BCL11B: variants seen among roughly 807,000 people sequenced by gnomAD.
BCL11B encodes the protein BCL11 transcription factor B.
BCL11B carries 8 observed loss-of-function variants against 49.9 expected under a neutral mutation model. That is an observed-to-expected ratio of 0.16 (90% confidence interval 0.09 to 0.29). BCL11B has a LOEUF of 0.29. Among genes scored for constraint, BCL11B ranks in the 10% least tolerant of loss-of-function variants. BCL11B has a pLI of 1.00. For synonymous variants in BCL11B, 739 were observed against 637.4 expected (o/e 1.16, Z -2.40); for missense variants, 1,006 against 1,351.0 (o/e 0.74, Z 4.00).
rs951204431 is a variant in BCL11B, at chr14:99,232,009, G to A, written c.428-452C>T. 5.3e-4 allele frequency among the ~76,000 whole-genome samples: 80 copies of A among 152,248 alleles called. No individual in the cohort carries two copies. Among genetic ancestry groups the A allele is most frequent in the African/African-American group, 1.9e-3 (77 of 41,556 alleles). ...CCTCCCCTGTTTGCTGTATCAGGAT[G>A]GGCTGTTCCTACAGGCCCGGGACAC... On this transcript the variant is annotated intron_variant, in intron 2 of 3. Transcript: ENST00000357195. This position sits in a 1 kb window ranked among gnomAD's most constrained non-coding sequence, Gnocchi z 5.1.
rs930242709 is a variant in BCL11B, at chr14:99,171,823, T to G, written c.*2328A>C. 1 of 207,176 alleles carries G rather than the reference T, an allele frequency of 4.8e-6. No homozygotes were observed. The highest frequency in any genetic ancestry group is 9.9e-6 in the Non-Finnish European group (1 of 101,234). 12.8% of individuals were successfully genotyped at this position (207,176 alleles called of 1,614,324 possible). A position where few individuals can be genotyped will look rare whatever the true frequency, so the allele number is the denominator to read the frequency against. ...AGAACAAATTTATAGACCCACCATT[T>G]AAATTTTACTGCAACATTTTCAAGG... is the stretch of plus-strand genomic sequence containing the variant. On this transcript the variant is annotated 3_prime_UTR_variant, in exon 4 of 4. Coordinates refer to ENST00000357195, the MANE Select transcript of BCL11B (RefSeq NM_138576.4).
intron 3 of BCL11B, among the ~76,000 whole-genome samples, chr14:99,199,640 C>CTGTGTGTGTGTGTG (rs79328426): frequency 4.6e-5 from 5 of 109,524 alleles, no homozygotes; most frequent in Admixed American, 1.7e-4. Flanking sequence ...TGGCTAAATG[C>CTGTGTGTGTGTGTG]TGTGTGTGTG....
At chr14:99,199,190 T>G (rs1052491902) in intron 3 of BCL11B, among the ~76,000 whole-genome samples, 1 of 152,218 alleles carries the variant, frequency 6.6e-6, no homozygotes, top group Admixed American at 6.5e-5. Context: ...TAATAAAAAC[T>G]GCTACAAACC....
At position 99,232,355 on chromosome 14, in the gene BCL11B, T is replaced by A. The variant is rs1209435672; in HGVS notation, c.428-798A>T. Among the ~76,000 whole-genome samples the A allele has an allele frequency of 1.3e-5, 2 of 152,254 alleles. No homozygotes were observed. The highest frequency in any genetic ancestry group is 3.8e-4 in the East Asian group (2 of 5,196). On this transcript the variant is annotated intron_variant, in intron 2 of 3. Transcript: ENST00000357195. The surrounding 1 kb of genome is among the most constrained non-coding windows in gnomAD (Gnocchi z 5.1). ...GCTCCACAGCAAGGCCTGCATTTGA[T>A]TTAGCCGTTTATCTTAAATGGCTAA...
At chr14:99,268,696 C>T (rs1889558672) in intron 1 of BCL11B, among the ~76,000 whole-genome samples, 1 of 152,176 alleles carries the variant, frequency 6.6e-6, no homozygotes. Context: ...TAATAAATAG[C>T]CTTGTCTGAA....
chr14:99,174,059 G>C lies in BCL11B; in HGVS notation c.*92C>G. The C allele has an allele frequency of 7.5e-7, 1 of 1,331,562 alleles. No homozygotes were observed. The highest frequency in any genetic ancestry group is 1.0e-6 in the Non-Finnish European group (1 of 966,696). 82.5% of individuals were successfully genotyped at this position (1,331,562 alleles called of 1,614,324 possible). Reference sequence around the variant, plus strand: ...GGGCCCCGGGGACACGCGGGGTGCGGGGTGGCGGTGACACGGAGGCAAGTC... The same window carrying C: ...GGGCCCCGGGGACACGCGGGGTGCGCGGTGGCGGTGACACGGAGGCAAGTC... On this transcript the variant is annotated 3_prime_UTR_variant, in exon 4 of 4. Transcript: ENST00000357195.
chr14:99,176,588 C>T (rs1886540942), intron 3 of BCL11B, among the ~76,000 whole-genome samples: 2 of 152,242 alleles, frequency 1.3e-5, no homozygotes, highest in Admixed American at 6.5e-5. Flanking sequence ...TGGCAAATCC[C>T]AGCCCTCGAG....
rs886779048 is a variant in BCL11B, at chr14:99,232,382, A to G, written c.428-825T>C. Among the ~76,000 whole-genome samples, 56 of 152,280 alleles carry G rather than the reference A, an allele frequency of 3.7e-4. No individual in the cohort carries two copies. Among genetic ancestry groups the G allele is most frequent in the African/African-American group, 1.4e-3 (56 of 41,476 alleles). ...TAGCCGTTTATCTTAAATGGCTAAG[A>G]GACCACCAGGGCAAAACATTTGTGT... On this transcript the variant is annotated intron_variant, in intron 2 of 3. Coordinates refer to ENST00000357195, the MANE Select transcript of BCL11B (RefSeq NM_138576.4). The surrounding 1 kb of genome is among the most constrained non-coding windows in gnomAD (Gnocchi z 5.1).
intron 1 of BCL11B, among the ~76,000 whole-genome samples, chr14:99,267,647 C>T (rs2139976317): frequency 6.6e-6 from 1 of 151,720 alleles, no homozygotes; most frequent in African/African-American, 2.4e-5. Flanking sequence ...TGGAGATATA[C>T]TCTACCCTGG....
chr14:99,244,293 C>T (rs1216432283), intron 2 of BCL11B, among the ~76,000 whole-genome samples: 1 of 149,780 alleles, frequency 6.7e-6, no homozygotes, highest in African/African-American at 2.5e-5. Flanking sequence ...TGAACAATTA[C>T]CCCCCCCTCA....
In BCL11B at chr14:99,172,076, A is replaced by AT. The variant is rs906911669; in HGVS notation, c.*2074dup. 1.3e-3 allele frequency: 270 copies of AT among 210,200 alleles called. No individual in the cohort carries two copies. The highest frequency in any genetic ancestry group is 1.7e-3 in the Admixed American group (29 of 16,806). The allele number at this position is 210,200 out of a possible 1,614,324, so 13.0% of individuals were successfully genotyped here. A position where few individuals can be genotyped will look rare whatever the true frequency, so the allele number is the denominator to read the frequency against. On this transcript the variant is annotated 3_prime_UTR_variant, in exon 4 of 4. Coordinates refer to ENST00000357195, the MANE Select transcript of BCL11B (RefSeq NM_138576.4). ...GATCGCTCCAACACACATACACACAATTTTTTTTTTACCCTTGTATGTACC... is the reference window on the plus strand; with the variant it reads ...GATCGCTCCAACACACATACACACAATTTTTTTTTTTACCCTTGTATGTACC...
intron 3 of BCL11B, among the ~76,000 whole-genome samples, chr14:99,222,138 C>T (rs1044483186): frequency 6.6e-6 from 1 of 152,192 alleles, no homozygotes; most frequent in Admixed American, 6.5e-5. Flanking sequence ...CCCTCCACCC[C>T]GACCCTGCCC....
At chr14:99,203,905 G>A (rs1440267946) in intron 3 of BCL11B, among the ~76,000 whole-genome samples, 1 of 143,868 alleles carries the variant, frequency 7.0e-6, no homozygotes, top group East Asian at 2.3e-4. Context: ...CGCCCCAAGC[G>A]CCCCTGAACC....
At chr14:99,196,875 T>C (rs1887194220) in intron 3 of BCL11B, among the ~76,000 whole-genome samples, 1 of 152,200 alleles carries the variant, frequency 6.6e-6, no homozygotes, top group Non-Finnish European at 1.5e-5. Flanking sequence ...AGGTGCTTTC[T>C]CAACCAAGGC....
Position 99,231,833 on chromosome 14 carries a change from C to T in BCL11B, c.428-276G>A, listed in dbSNP as rs996729749. Among the ~76,000 whole-genome samples, 1 of 151,410 alleles carries T rather than the reference C, an allele frequency of 6.6e-6. No homozygotes were observed. Among genetic ancestry groups the T allele is most frequent in the Non-Finnish European group, 1.5e-5 (1 of 67,758 alleles). On this transcript the variant is annotated intron_variant, in intron 2 of 3. Coordinates refer to ENST00000357195, the MANE Select transcript of BCL11B (RefSeq NM_138576.4). The surrounding 1 kb of genome is among the most constrained non-coding windows in gnomAD (Gnocchi z 8.1). ...GGACCCCGCCTCTGGGGGCCTGGTG[C>T]AGGGGGCTGGGTGAACGGGGGCTGT...
At chr14:99,265,639 C>G (rs556728642) in intron 1 of BCL11B, among the ~76,000 whole-genome samples, 1 of 152,302 alleles carries the variant, frequency 6.6e-6, no homozygotes, top group African/African-American at 2.4e-5. Context: ...TCGAGGTCAC[C>G]GTGCCTCTTC....
chr14:99,221,482 G>A (rs760447403), intron 3 of BCL11B, among the ~76,000 whole-genome samples: 13 of 152,172 alleles, frequency 8.5e-5, no homozygotes, highest in East Asian at 1.9e-4. Flanking sequence ...CTAATTACCC[G>A]GGGCTCAGGC....
In BCL11B at chr14:99,192,115, T is replaced by C. The variant is rs1205759351; in HGVS notation, c.641-15920A>G. ...AATCACTGGAGTGATTCTTCTTAGTTGTAGAAACACTCCAAATCAGAAAGT... is the reference window on the plus strand; with the variant it reads ...AATCACTGGAGTGATTCTTCTTAGTCGTAGAAACACTCCAAATCAGAAAGT... On this transcript the variant is annotated intron_variant, in intron 3 of 3. Coordinates refer to ENST00000357195, the MANE Select transcript of BCL11B (RefSeq NM_138576.4). This position sits in a 1 kb window ranked among gnomAD's most constrained non-coding sequence, Gnocchi z 4.0. 6.6e-6 allele frequency among the ~76,000 whole-genome samples: 1 copy of C among 152,196 alleles called. No individual in the cohort carries two copies. Among genetic ancestry groups the C allele is most frequent in the East Asian group, 1.9e-4 (1 of 5,200 alleles).
chr14:99,217,813 C>T (rs993747611), intron 3 of BCL11B, among the ~76,000 whole-genome samples: 1 of 152,180 alleles, frequency 6.6e-6, no homozygotes, highest in Non-Finnish European at 1.5e-5. Context: ...TGCCACCACC[C>T]CGTCCCCACA....
Sources: allele counts gnomAD v4.1 joint callset (sites outside exome capture counted in the v4.1 genomes callset), GRCh38; gene constraint gnomAD v4.1.1; non-coding constraint Gnocchi (gnomAD v3.1); transcripts MANE v1.5; gene names NCBI Gene and HGNC (gene_info 2026-07-23, HGNC 2026-07-21).